The following ZFP64 variants were observed in gnomAD, a reference collection of about 807,000 sequenced individuals.
ZFP64 encodes ZFP64 zinc finger protein.
A neutral mutation model predicts 51.6 loss-of-function variants in ZFP64; 14 were observed. That is an observed-to-expected ratio of 0.27 (90% CI 0.18 to 0.42). The LOEUF (loss-of-function observed/expected upper bound fraction) is 0.42. Ranked by LOEUF, ZFP64 falls within the 10% of genes least tolerant of loss-of-function variation. The pLI, the probability that ZFP64 is intolerant of heterozygous loss-of-function variation, is 1.00. For synonymous variants in ZFP64, 375 were observed against 361.4 expected (o/e 1.04, Z -0.43); for missense variants, 754 against 906.8 (o/e 0.83, Z 2.16).
chr20:52,121,549 G>A (rs1429286103), intron 5 of ZFP64, among the ~76,000 whole-genome samples: 1 of 152,218 alleles, frequency 6.6e-6, no homozygotes, highest in African/African-American at 2.4e-5. Flanking sequence ...TGAGGAAGCT[G>A]CAGAGGAAAA....
At chr20:52,156,172 C>T (rs1449560808) in intron 5 of ZFP64, among the ~76,000 whole-genome samples, 2 of 152,194 alleles carry the variant, frequency 1.3e-5, no homozygotes, top group African/African-American at 4.8e-5. Flanking sequence ...GTCGATTATG[C>T]CAATGTCTGA....
intron 2 of ZFP64, among the ~76,000 whole-genome samples, chr20:52,167,733 C>T (rs777216429): frequency 9.9e-5 from 15 of 152,254 alleles, no homozygotes; most frequent in African/African-American, 1.4e-4. Context: ...TTTTGAGAGC[C>T]GCTGTAATAT....
At position 52,180,547 on chromosome 20, in the gene ZFP64, C is replaced by CAAAAAG. The variant is rs1983540749; in HGVS notation, c.286+6284_286+6285insCTTTTT. Reference sequence around the variant, plus strand: ...AAGAGTAGGAATTAACCAGAAATGGCAAAAAAAAAAAAAAAAAAAAAATCA... The same window carrying CAAAAAG: ...AAGAGTAGGAATTAACCAGAAATGGCAAAAAGAAAAAAAAAAAAAAAAAAAAAATCA... On this transcript the variant is annotated intron_variant, in intron 2 of 5. Coordinates refer to ENST00000216923, the MANE Select transcript of ZFP64 (RefSeq NM_018197.3). 3.4e-5 allele frequency among the ~76,000 whole-genome samples: 3 copies of CAAAAAG among 87,184 alleles called. No homozygotes were observed. The South Asian group carries it at 1.4e-3, about 40-fold the overall frequency. 57.2% of individuals were successfully genotyped at this position (87,184 alleles called of 152,430 possible).
Position 52,152,229 on chromosome 20 carries a change from C to T in ZFP64, c.1963G>A (p.Glu655Lys), listed in dbSNP as rs779843130. 2 of 1,613,962 alleles carry T rather than the reference C, an allele frequency of 1.2e-6. No individual in the cohort carries two copies. The highest frequency in any genetic ancestry group is 2.7e-5 in the African/African-American group (2 of 74,890). The change falls in exon 6 of 6, where the codon GAA (glutamate) becomes AAA (lysine). Residue 655 changes from glutamate (E) to lysine (K), a missense_variant. Transcript: ENST00000216923. ...ATGGAGTAGGTCTGCTTGGGTAGTTCTTGCTGGGAAGAGGAGGAGAAGACC... is the reference window on the plus strand; with the variant it reads ...ATGGAGTAGGTCTGCTTGGGTAGTTTTTGCTGGGAAGAGGAGGAGAAGACC... ...PPVFSSSSQQELPKQTYSIIQ... is the reference protein window; with the variant it reads ...PPVFSSSSQQKLPKQTYSIIQ...
At position 52,130,140 on chromosome 20, in the gene ZFP64, A is replaced by C. The variant is rs530375461; in HGVS notation, c.763+29983T>G. ...GACCCGCAGGCTCCTCTCCCTCATC[A>C]TACTCAGTCCCTCCACCCTGCCATG... is the stretch of plus-strand genomic sequence containing the variant. On this transcript the variant is annotated intron_variant, in intron 5 of 8. Coordinates refer to the ZFP64 transcript ENST00000361387. 5.9e-4 allele frequency among the ~76,000 whole-genome samples: 90 copies of C among 152,160 alleles called. No homozygotes were observed. The South Asian group carries it at 0.016, about 26-fold the overall frequency.
At chr20:52,142,377 G>GACACACACACACACACGCGCGCGC (rs749072185) in intron 5 of ZFP64, among the ~76,000 whole-genome samples, 5 of 118,370 alleles carry the variant, frequency 4.2e-5, no homozygotes, top group East Asian at 2.3e-4. Context: ...CACACACACA[G>GACACACACACACACACGCGCGCGC]ACACACACAC....
At chr20:52,158,663 G>A (rs868614224) in intron 5 of ZFP64, among the ~76,000 whole-genome samples, 15 of 152,022 alleles carry the variant, frequency 9.9e-5, no homozygotes, top group Non-Finnish European at 1.2e-4. Flanking sequence ...CTGAGATCAC[G>A]CCACTGCACT....
At chr20:52,165,597 G>GA (rs761869464) in intron 3 of ZFP64, 14 of 632,134 alleles carry the variant, frequency 2.2e-5, no homozygotes, top group African/African-American at 1.4e-4. Flanking sequence ...TATAGCATAG[G>GA]AAAAAAATTT....
intron 5 of ZFP64, among the ~76,000 whole-genome samples, chr20:52,131,841 G>A (rs1979738410): frequency 6.6e-6 from 1 of 151,856 alleles, no homozygotes; most frequent in Admixed American, 6.6e-5. Flanking sequence ...AAGAAACATC[G>A]GACTTAATCT....
intron 2 of ZFP64, among the ~76,000 whole-genome samples, chr20:52,184,921 C>T (rs1483275400): frequency 1.3e-5 from 2 of 152,214 alleles, no homozygotes; most frequent in African/African-American, 4.8e-5. Context: ...AGCCACTGCA[C>T]CTGGCCATAC....
At position 52,087,953 on chromosome 20, in the gene ZFP64, C is replaced by T. The variant is rs139521613; in HGVS notation, c.1228+439G>A. On this transcript the variant is annotated intron_variant, in intron 8 of 8. Coordinates refer to the ZFP64 transcript ENST00000361387. Reference sequence around the variant, plus strand: ...TCTCAAACCCCATTTTTCCATGCCACGATGAGTTGGTCCTATCATTTCAGT... The same window carrying T: ...TCTCAAACCCCATTTTTCCATGCCATGATGAGTTGGTCCTATCATTTCAGT... 5.2e-5 allele frequency among the ~76,000 whole-genome samples: 6 copies of T among 115,942 alleles called. No homozygotes were observed. The East Asian group carries it at 8.9e-4, about 17-fold the overall frequency. The allele number at this position is 115,942 out of a possible 152,430, so 76.1% of individuals were successfully genotyped here.
intron 5 of ZFP64, among the ~76,000 whole-genome samples, chr20:52,126,180 G>A (rs535016067): frequency 2.0e-5 from 3 of 152,156 alleles, no homozygotes; most frequent in Non-Finnish European, 4.4e-5. Context: ...TTTCAGGCAT[G>A]AACCAGCGTG....
chr20:52,105,520 C>G, intron 5 of ZFP64: 1 of 366,194 alleles, frequency 2.7e-6, no homozygotes, highest in Non-Finnish European at 4.7e-6. Context: ...CCCGCTGAAT[C>G]AGAATCTGCA....
chr20:52,125,139 C>T (rs1979388442), intron 5 of ZFP64, among the ~76,000 whole-genome samples: 1 of 152,228 alleles, frequency 6.6e-6, no homozygotes, highest in African/African-American at 2.4e-5. Context: ...GCCACAAATT[C>T]TGCCCAACTG....
chr20:52,108,669 C>T (rs1489396252), intron 5 of ZFP64, among the ~76,000 whole-genome samples: 1 of 151,728 alleles, frequency 6.6e-6, no homozygotes, highest in Admixed American at 6.6e-5. Context: ...CCACCATGCC[C>T]GACAATTTTT....
intron 5 of ZFP64, among the ~76,000 whole-genome samples, chr20:52,135,752 G>C (rs1979938757): frequency 6.6e-6 from 1 of 152,032 alleles, no homozygotes; most frequent in African/African-American, 2.4e-5. Context: ...GCCTCCCAGA[G>C]TGCTGGAATT....
chr20:52,157,771 C>G (rs1981438470), intron 5 of ZFP64, among the ~76,000 whole-genome samples: 1 of 152,186 alleles, frequency 6.6e-6, no homozygotes, highest in Non-Finnish European at 1.5e-5. Context: ...GCTGACCCAT[C>G]AACCCGTCAT....
chr20:52,190,015 C>T (rs1041514671), intron 1 of ZFP64, among the ~76,000 whole-genome samples: 1 of 152,048 alleles, frequency 6.6e-6, no homozygotes, highest in African/African-American at 2.4e-5. Context: ...AAGATATTTA[C>T]ATTATGTCCA....
At chr20:52,144,424 A>G (rs1329597501) in intron 5 of ZFP64, among the ~76,000 whole-genome samples, 15 of 149,928 alleles carry the variant, frequency 1.0e-4, no homozygotes, top group East Asian at 2.0e-4. Context: ...CAAAATATAC[A>G]AAAAAATTAG....
Sources: gnomAD v4.1 joint callset for allele counts (sites outside exome capture counted in the v4.1 genomes callset) on GRCh38, gnomAD v4.1.1 for gene constraint, MANE v1.5 for transcripts, NCBI Gene and HGNC (gene_info 2026-07-23, HGNC 2026-07-21) for gene names.